The following ZBTB40 variants were observed in gnomAD, a reference collection of about 807,000 sequenced individuals.
ZBTB40 encodes zinc finger and BTB domain containing 40, also known as zinc finger and BTB domain-containing protein 40.
A neutral mutation model predicts 117.5 loss-of-function variants in ZBTB40; 60 were observed. The observed-to-expected ratio is 0.51, with a 90% confidence interval of 0.41 to 0.63. The LOEUF (loss-of-function observed/expected upper bound fraction) is 0.63, where lower values mean the gene tolerates loss of function less well. Among genes scored for constraint, ZBTB40 ranks in the 30% least tolerant of loss-of-function variants. The pLI is 0.00. For missense variants in ZBTB40, 1,287 were observed against 1,498.5 expected, an observed-to-expected ratio of 0.86 and a Z score of 2.33; for synonymous variants, 525 against 577.1, an observed-to-expected ratio of 0.91 and a Z score of 1.29.
intron 1 of ZBTB40, among the ~76,000 whole-genome samples, chr1:22,475,520 C>T (rs921433812): frequency 6.6e-6 from 1 of 152,182 alleles, no homozygotes; most frequent in Non-Finnish European, 1.5e-5. Context: ...TTTAGGTCTG[C>T]GTTCATGTTT....
intron 1 of ZBTB40, among the ~76,000 whole-genome samples, chr1:22,457,009 T>C (rs1180239351): frequency 6.6e-6 from 1 of 152,210 alleles, no homozygotes; most frequent in East Asian, 1.9e-4. Context: ...GGCTCATGCC[T>C]GTGATCCCAG....
chr1:22,456,965 G>A (rs1641018414), intron 1 of ZBTB40, among the ~76,000 whole-genome samples: 1 of 152,204 alleles, frequency 6.6e-6, no homozygotes, highest in Non-Finnish European at 1.5e-5. Context: ...CTTAACGAAG[G>A]CTGGGTTAAA....
Position 22,497,038 on chromosome 1 carries a change from G to A in ZBTB40, c.832-4454G>A, listed in dbSNP as rs542602981. Among the ~76,000 whole-genome samples the A allele has an allele frequency of 2.6e-5, 4 of 152,330 alleles. No individual in the cohort carries two copies. In the East Asian group the frequency reaches 7.7e-4, roughly 29 times the overall value. ...AAGAATGCAAATGCTGAAGAACTTG[G>A]AGCCTGATGTTCGAGGGCAGGAAGC... On this transcript the variant is annotated intron_variant, in intron 3 of 17. Transcript: ENST00000375647.
At chr1:22,492,321 A>T (rs1334302523) in intron 3 of ZBTB40, among the ~76,000 whole-genome samples, 1 of 152,208 alleles carries the variant, frequency 6.6e-6, no homozygotes, top group Non-Finnish European at 1.5e-5. Flanking sequence ...AATGGCTATC[A>T]TGCTTTCTTA....
intron 1 of ZBTB40, among the ~76,000 whole-genome samples, chr1:22,476,774 C>CT (rs1641557571): frequency 6.6e-6 from 1 of 152,182 alleles, no homozygotes; most frequent in African/African-American, 2.4e-5. Context: ...TTCTGGTACT[C>CT]TTCTGTTGCT....
chr1:22,502,574 G>T (rs1375086728), intron 5 of ZBTB40, 133 bp downstream of exon 5: 1 of 1,262,692 alleles, frequency 7.9e-7, no homozygotes. Context: ...CGAAGTCAAG[G>T]TGCTTGTTTC....
At chr1:22,491,666 AT>A in intron 3 of ZBTB40, 133 bp downstream of exon 3, 1 of 929,944 alleles carries the variant, frequency 1.1e-6, no homozygotes, top group Non-Finnish European at 1.6e-6. Context: ...TTTTTTGGAC[AT>A]TTATTCCCTA....
In ZBTB40 at chr1:22,512,026, C is replaced by G. The variant is rs182939277; in HGVS notation, c.2353C>G (p.Gln785Glu). Residue 785 changes from glutamine to glutamate, a missense_variant, in exon 11 of 18, where the codon CAG becomes GAG. By Grantham distance (29) the Gln-to-Glu change is conservative (BLOSUM62 2). This residue lies in a region of ZBTB40 where 870 missense variants were observed against 934.4 expected (regional missense o/e 0.93). Transcript: ENST00000375647. ...TTCAAAGAAAGAGCTGGACAAACAT[C>G]AGCTGGAGGCCCATGGTGCAGGTGG... ...KDSKKELDKH[Q>E]LEAHGAGGEP... 9.7e-5 allele frequency: 156 copies of G among 1,614,148 alleles called. No homozygotes were observed. In the Admixed American group the frequency reaches 2.5e-3, roughly 26 times the overall value.
intron 5 of ZBTB40, among the ~76,000 whole-genome samples, chr1:22,505,331 A>G (rs945154960): frequency 1.3e-5 from 2 of 152,188 alleles, no homozygotes; most frequent in Admixed American, 1.3e-4. Flanking sequence ...AATATCTGTC[A>G]CATGTTTTAG....
At chr1:22,478,687 T>G (rs1245993922) in intron 1 of ZBTB40, among the ~76,000 whole-genome samples, 1 of 152,244 alleles carries the variant, frequency 6.6e-6, no homozygotes, top group East Asian at 1.9e-4. Flanking sequence ...ATGTGGTAGC[T>G]ACTATGATTG....
At chr1:22,462,248 G>T (rs961517198) in intron 1 of ZBTB40, among the ~76,000 whole-genome samples, 1 of 152,118 alleles carries the variant, frequency 6.6e-6, no homozygotes. Context: ...CAAAGTTTCG[G>T]CTCTAGAGTC....
intron 1 of ZBTB40, among the ~76,000 whole-genome samples, chr1:22,480,642 G>A (rs373294281): frequency 6.6e-6 from 1 of 152,056 alleles, no homozygotes; most frequent in East Asian, 1.9e-4. Flanking sequence ...GAGCCACCGC[G>A]CCCTGCCCTT....
intron 1 of ZBTB40, among the ~76,000 whole-genome samples, chr1:22,484,907 A>T (rs1279571846): frequency 6.6e-6 from 1 of 152,194 alleles, no homozygotes; most frequent in Non-Finnish European, 1.5e-5. Context: ...ACATGTTCAC[A>T]TGATTTTTCT....
chr1:22,471,643 G>A (rs1455234435), intron 1 of ZBTB40, among the ~76,000 whole-genome samples: 1 of 152,226 alleles, frequency 6.6e-6, no homozygotes, highest in Admixed American at 6.5e-5. Flanking sequence ...GCATTTGAGA[G>A]CCTCAGGGAT....
chr1:22,508,016 A>T lies in ZBTB40; in HGVS notation c.1376A>T (p.Asp459Val). 4 of 1,614,152 alleles carry T rather than the reference A, an allele frequency of 2.5e-6. No individual in the cohort carries two copies. The highest frequency in any genetic ancestry group is 3.4e-6 in the Non-Finnish European group (4 of 1,180,028). The change falls in exon 7 of 18, where the codon GAT becomes GTT. Residue 459 changes from aspartate (D) to valine (V), a missense_variant. Around this residue, in one of 2 missense-constraint regions of ZBTB40, gnomAD observed 870 missense variants for 934.4 expected, o/e 0.93. Coordinates refer to ENST00000375647, the MANE Select transcript of ZBTB40 (RefSeq NM_014870.4). ...LPSTTVQPSP[D>V]DYGTELLRRY... is the part of the protein sequence containing the mutation. ...ATCCTTACAGTCCAACCAAGCCCTG[A>T]TGATTATGGGACTGAGCTATTGAGA...
intron 1 of ZBTB40, among the ~76,000 whole-genome samples, chr1:22,475,495 T>A (rs915904960): frequency 2.6e-5 from 4 of 152,230 alleles, no homozygotes; most frequent in African/African-American, 9.7e-5. Context: ...CCAGCATATG[T>A]GCCAAGTATG....
chr1:22,523,334 C>T (rs1639591334), intron 16 of ZBTB40, among the ~76,000 whole-genome samples: 1 of 152,108 alleles, frequency 6.6e-6, no homozygotes, highest in South Asian at 2.1e-4. Flanking sequence ...AGAATTTCTA[C>T]GTTATTCTAA....
intron 13 of ZBTB40, chr1:22,519,625 C>T: frequency 4.1e-6 from 1 of 244,952 alleles, no homozygotes; most frequent in Non-Finnish European, 8.1e-6. Context: ...AGGAAGCATC[C>T]CTCCACTTGT....
intron 16 of ZBTB40, among the ~76,000 whole-genome samples, chr1:22,523,748 A>G (rs536354056): frequency 6.6e-6 from 1 of 152,328 alleles, no homozygotes; most frequent in South Asian, 2.1e-4. Context: ...GTGGATGCCC[A>G]TTCTGCAAGT....
Sources: gnomAD v4.1 joint callset for allele counts (sites outside exome capture counted in the v4.1 genomes callset) on GRCh38, gnomAD v4.1.1 for gene constraint, gnomAD v4.1.1 regional missense constraint, MANE v1.5 for transcripts, NCBI Gene and HGNC (gene_info 2026-07-23, HGNC 2026-07-21) for gene names.